The following GLB1L3 variants were observed in gnomAD, a reference collection of about 807,000 sequenced individuals.
GLB1L3 encodes the protein galactosidase beta 1 like 3.
Under a neutral mutation model 89.5 loss-of-function variants are expected in GLB1L3, and 89 were observed. The observed-to-expected ratio is 0.99, with a 90% confidence interval of 0.84 to 1.19. The LOEUF is 1.19. GLB1L3 is among the 50% of genes most tolerant of loss of function. The probability of loss-of-function intolerance (pLI) is 0.00; values close to 1 mark genes in which losing one functional copy is unlikely to be tolerated. For synonymous variants in GLB1L3, 314 were observed against 312.3 expected, an observed-to-expected ratio of 1.01 and a Z score of -0.06; for missense variants, 812 against 813.3, an observed-to-expected ratio of 1.00 and a Z score of 0.02.
At chr11:134,277,185 GCCCGCCTGGAAGA>G (rs771270812) in intron 1 of GLB1L3, 128 bp from the exon 2 acceptor site, 7 of 1,040,768 alleles carry the variant, frequency 6.7e-6, no homozygotes, top group Non-Finnish European at 1.0e-5. Context: ...CTGGCCCTGG[GCCCGCCTGGAAGA>G]CCCGCCTGTG....
chr11:134,290,573 C>A (rs1473511463), intron 7 of GLB1L3, among the ~76,000 whole-genome samples: 1 of 113,008 alleles, frequency 8.8e-6, no homozygotes, highest in East Asian at 2.1e-4. Flanking sequence ...ACTCGTCCCC[C>A]CCCGCCAAAA....
At chr11:134,300,719 C>A (rs886827160) in intron 9 of GLB1L3, among the ~76,000 whole-genome samples, 1 of 152,152 alleles carries the variant, frequency 6.6e-6, no homozygotes, top group Non-Finnish European at 1.5e-5. Flanking sequence ...ACCTTCTTAA[C>A]GTGCCCTCGC....
chr11:134,304,432 A>T (rs1459635262), intron 9 of GLB1L3, among the ~76,000 whole-genome samples: 2 of 152,022 alleles, frequency 1.3e-5, no homozygotes, highest in African/African-American at 2.4e-5. Context: ...TATTTGGTTT[A>T]TTCTCTTTAG....
downstream of GLB1L3, chr11:134,319,600 A>T (rs1206049796): frequency 1.3e-5 from 2 of 152,120 alleles, no homozygotes; most frequent in Non-Finnish European, 2.9e-5. Context: ...GGGAAGGGAA[A>T]GGTCTGAAGC....
downstream of GLB1L3, among the ~76,000 whole-genome samples, chr11:134,323,820 A>G (rs1174576402): frequency 6.6e-6 from 1 of 152,158 alleles, no homozygotes; most frequent in African/African-American, 2.4e-5. Flanking sequence ...GCTTTTTAAA[A>G]AGCATGTTTT....
chr11:134,308,198 A>AT (rs1942317365), intron 10 of GLB1L3, among the ~76,000 whole-genome samples: 2 of 59,036 alleles, frequency 3.4e-5, no homozygotes, highest in African/African-American at 1.0e-4. Flanking sequence ...CATCACCATC[A>AT]CCACTACCAC....
rs752562920 is a variant in GLB1L3, at chr11:134,277,371, A to G, written c.69A>G (p.Pro23=). The G allele has an allele frequency of 6.2e-6, 10 of 1,613,674 alleles. No individual in the cohort carries two copies. The highest frequency in any genetic ancestry group is 1.6e-4 in the Middle Eastern group (1 of 6,080). The part of the protein sequence containing the change: ...WKRMAGIFFL[P]FISSGFAPRF... ...GAATGGCGGGCATCTTTTTCCTGCC[A>G]TTTATCTCATCAGGTTTTGCTCCTC... The change falls in exon 2 of 20, where the codon CCA becomes CCG. Residue 23 remains proline (P), a synonymous_variant. Coordinates refer to ENST00000431683, the MANE Select transcript of GLB1L3 (RefSeq NM_001080407.3).
In GLB1L3 at chr11:134,288,859, A is replaced by G; in HGVS notation, c.698A>G (p.Lys233Arg). ...GAGAATGAGTATGGCTCATTCAATAAGGATAAAACATACATGCCGTATCTC... is the reference window on the plus strand; with the variant it reads ...GAGAATGAGTATGGCTCATTCAATAGGGATAAAACATACATGCCGTATCTC... Reference protein sequence around the residue: ...QVENEYGSFNKDKTYMPYLHK... With the variant: ...QVENEYGSFNRDKTYMPYLHK... The change falls in exon 7 of 20, where the codon AAG becomes AGG. Residue 233 changes from lysine to arginine, a missense_variant. Around this residue, in one of 3 missense-constraint regions of GLB1L3, gnomAD observed 618 missense variants for 604.0 expected, o/e 1.02. Coordinates refer to ENST00000431683, the MANE Select transcript of GLB1L3 (RefSeq NM_001080407.3). 1 of 1,613,066 alleles carries G rather than the reference A, an allele frequency of 6.2e-7. No homozygotes were observed. Among genetic ancestry groups the G allele is most frequent in the Non-Finnish European group, 8.5e-7 (1 of 1,179,478 alleles).
chr11:134,313,678 C>T (rs375639346), intron 16 of GLB1L3, among the ~76,000 whole-genome samples: 3 of 152,182 alleles, frequency 2.0e-5, no homozygotes, highest in African/African-American at 4.8e-5. Context: ...CCAGTGTGTT[C>T]GGTGCTGGCT....
At chr11:134,279,124 A>G (rs763423216) in intron 3 of GLB1L3, among the ~76,000 whole-genome samples, 1 of 152,184 alleles carries the variant, frequency 6.6e-6, no homozygotes, top group Non-Finnish European at 1.5e-5. Context: ...TAAAGTGAGT[A>G]AATCTTCTTT....
intron 10 of GLB1L3, among the ~76,000 whole-genome samples, chr11:134,309,304 A>G (rs1942600695): frequency 6.6e-6 from 1 of 152,204 alleles, no homozygotes; most frequent in African/African-American, 2.4e-5. Flanking sequence ...GAATCTTTGT[A>G]GAGGTTGAAT....
At chr11:134,308,493 CACCAAAT>C (rs761217123) in intron 10 of GLB1L3, among the ~76,000 whole-genome samples, 862 of 11,150 alleles carry the variant, frequency 0.077, 30 homozygotes, top group Non-Finnish European at 0.13. Context: ...CCACCATCAC[CACCAAAT>C]ACCACCACCA....
chr11:134,310,627 C>T lies in GLB1L3; in HGVS notation c.1156C>T (p.Gln386Ter). Reference protein sequence around the residue: ...GDYTEKYLKLQKLFQSVSATP... With the variant: ...GDYTEKYLKL ...TTACACAGAAAAATATCTGAAGCTT[C>T]AAAAACTCTTTCAATCTGTCTCAGG... is the stretch of plus-strand genomic sequence containing the variant. The change falls in exon 12 of 20, where the codon CAA (glutamine) becomes TAA (stop). Residue 386 changes from glutamine to a stop codon, truncating the protein, a stop_gained. Coordinates refer to ENST00000431683, the MANE Select transcript of GLB1L3 (RefSeq NM_001080407.3). LOFTEE classifies it high-confidence loss of function. The T allele has an allele frequency of 2.5e-6, 4 of 1,613,362 alleles. No individual in the cohort carries two copies. Among genetic ancestry groups the T allele is most frequent in the Non-Finnish European group, 3.4e-6 (4 of 1,179,466 alleles).
chr11:134,317,264 T>TG (rs1289740484), intron 18 of GLB1L3, among the ~76,000 whole-genome samples: 1 of 152,226 alleles, frequency 6.6e-6, no homozygotes, highest in Non-Finnish European at 1.5e-5. Flanking sequence ...TTTTGCTGGA[T>TG]GTAGTATTCT....
chr11:134,277,607 A>C, intron 2 of GLB1L3, 93 bp from the exon 3 acceptor site: 6 of 1,523,300 alleles, frequency 3.9e-6, no homozygotes, highest in Non-Finnish European at 5.4e-6. Flanking sequence ...ACTAACAAAA[A>C]CTTCTTTTCG....
chr11:134,309,825 G>T, intron 11 of GLB1L3, 62 bp downstream of exon 11: 1 of 1,576,604 alleles, frequency 6.3e-7, no homozygotes, highest in African/African-American at 1.3e-5. Context: ...TACAGAGGAG[G>T]CTCCGGAAGC....
chr11:134,283,624 G>T (rs492383), intron 5 of GLB1L3, 113 bp from the exon 6 acceptor site: 2 of 605,394 alleles, frequency 3.3e-6, no homozygotes, highest in Non-Finnish European at 5.9e-6. Flanking sequence ...CTCCGGGACC[G>T]GGGGTGTGAG....
Position 134,293,074 on chromosome 11 carries a change from G to A in GLB1L3, c.812-71G>A, listed in dbSNP as rs1941446039. On this transcript the variant is annotated intron_variant, in intron 8 of 19. Coordinates refer to ENST00000431683, the MANE Select transcript of GLB1L3 (RefSeq NM_001080407.3). ...TTCCTCCTGCGTGCGTCCGGGCCGG[G>A]GGCGCATTCCTTCCCTTCCCTGACA... 3 of 1,281,196 alleles carry A rather than the reference G, an allele frequency of 2.3e-6. No individual in the cohort carries two copies. The East Asian group carries it at 6.9e-5, about 30-fold the overall frequency. 79.4% of individuals were successfully genotyped at this position (1,281,196 alleles called of 1,614,324 possible).
chr11:134,316,108 G>A (rs1942966859), intron 18 of GLB1L3, among the ~76,000 whole-genome samples: 2 of 151,774 alleles, frequency 1.3e-5, no homozygotes, highest in South Asian at 2.1e-4. Context: ...TAAACATTGG[G>A]CAATTACTTC....
Sources: allele counts gnomAD v4.1 joint callset (sites outside exome capture counted in the v4.1 genomes callset), GRCh38; gene constraint gnomAD v4.1.1; regional missense constraint gnomAD v4.1.1; transcripts MANE v1.5; gene names NCBI Gene and HGNC (gene_info 2026-07-23, HGNC 2026-07-21).